The following TMEM178B variants were observed in gnomAD, a reference collection of about 807,000 sequenced individuals.
TMEM178B encodes transmembrane protein 178B.
In TMEM178B, 5 loss-of-function variants were observed where a neutral mutation model predicts 31.0. That is an observed-to-expected ratio of 0.16 (90% CI 0.08 to 0.34). TMEM178B has a LOEUF of 0.34. Ranked by LOEUF, TMEM178B falls within the 10% of genes least tolerant of loss-of-function variation. The pLI, the probability that TMEM178B is intolerant of heterozygous loss-of-function variation, is 1.00. For missense variants in TMEM178B, 275 were observed against 400.3 expected, an observed-to-expected ratio of 0.69 and a Z score of 2.67; for synonymous variants, 164 against 164.0, an observed-to-expected ratio of 1.00 and a Z score of 0.00.
intron 2 of TMEM178B, among the ~76,000 whole-genome samples, chr7:141,435,303 C>A (rs749422904): frequency 6.6e-6 from 1 of 152,248 alleles, no homozygotes; most frequent in African/African-American, 2.4e-5. Context: ...GAAGTATAAG[C>A]CCCTTACAGG....
chr7:141,192,727 A>T (rs530722694), intron 1 of TMEM178B, among the ~76,000 whole-genome samples: 20 of 152,190 alleles, frequency 1.3e-4, no homozygotes, highest in Middle Eastern at 3.4e-3. Flanking sequence ...CAGCCTCCCA[A>T]AGTGCTGGGA....
At chr7:141,403,532 C>CT (rs747316178) in intron 2 of TMEM178B, among the ~76,000 whole-genome samples, 2 of 152,294 alleles carry the variant, frequency 1.3e-5, no homozygotes, top group South Asian at 4.1e-4. Context: ...AGCTCAGACT[C>CT]TTTTGACTGG....
intron 2 of TMEM178B, among the ~76,000 whole-genome samples, chr7:141,278,354 A>G (rs952948617): frequency 2.6e-5 from 4 of 152,178 alleles, no homozygotes; most frequent in African/African-American, 9.7e-5. Context: ...GGCCGAGGCC[A>G]GTAGATCACT....
chr7:141,265,341 G>C (rs1351799101), intron 2 of TMEM178B, among the ~76,000 whole-genome samples: 1 of 152,098 alleles, frequency 6.6e-6, no homozygotes. Flanking sequence ...TGAGTTTCAT[G>C]GCTTCAGGAC....
At chr7:141,232,864 C>A (rs1797469531) in intron 2 of TMEM178B, among the ~76,000 whole-genome samples, 1 of 152,126 alleles carries the variant, frequency 6.6e-6, no homozygotes, top group Non-Finnish European at 1.5e-5. Context: ...AGTCATGCCC[C>A]AAACTCAGGA....
At chr7:141,330,172 T>A (rs553482143) in intron 2 of TMEM178B, among the ~76,000 whole-genome samples, 1 of 152,184 alleles carries the variant, frequency 6.6e-6, no homozygotes, top group East Asian at 1.9e-4. Context: ...ATTTGTTACA[T>A]AGGTAAACAT....
At chr7:141,226,374 C>T (rs1412778574) in intron 2 of TMEM178B, among the ~76,000 whole-genome samples, 1 of 152,160 alleles carries the variant, frequency 6.6e-6, no homozygotes, top group African/African-American at 2.4e-5. Context: ...TCCGTGTTGC[C>T]TGAGTCCCAC....
At chr7:141,277,841 AC>A in intron 2 of TMEM178B, among the ~76,000 whole-genome samples, 1 of 152,308 alleles carries the variant, frequency 6.6e-6, no homozygotes, top group Non-Finnish European at 1.5e-5. Flanking sequence ...ATCTTAATGA[AC>A]CAGCATATAT....
intron 1 of TMEM178B, among the ~76,000 whole-genome samples, chr7:141,131,079 C>A (rs111790775): frequency 0.046 from 7,006 of 152,190 alleles, 560 homozygotes; most frequent in African/African-American, 0.16. Flanking sequence ...AGTAAATCTG[C>A]TTTTTTACAG....
chr7:141,437,763 G>T lies in TMEM178B; in HGVS notation c.634+18G>T. The T allele has an allele frequency of 6.5e-7, 1 of 1,536,044 alleles. No homozygotes were observed. The highest frequency in any genetic ancestry group is 2.0e-5 in the Admixed American group (1 of 51,002). On this transcript the variant is annotated intron_variant, in intron 3 of 3. Coordinates refer to ENST00000565468, the MANE Select transcript of TMEM178B (RefSeq NM_001195278.2). ...CATGGGAGGTAAGGCTACGGGCTCG[G>T]CTTGTGGGTGGCAGTGGACAGGGTC...
intron 1 of TMEM178B, among the ~76,000 whole-genome samples, chr7:141,087,110 A>G (rs1262818309): frequency 1.3e-5 from 2 of 152,214 alleles, no homozygotes; most frequent in Non-Finnish European, 2.9e-5. Context: ...AATTTTATTC[A>G]GATTGTGTTG....
At chr7:141,363,704 C>G (rs1027565348) in intron 2 of TMEM178B, among the ~76,000 whole-genome samples, 1 of 152,088 alleles carries the variant, frequency 6.6e-6, no homozygotes, top group African/African-American at 2.4e-5. Context: ...CTTGTAGTTG[C>G]TCATTTGAAA....
chr7:141,136,409 A>G (rs1323482722), intron 1 of TMEM178B, among the ~76,000 whole-genome samples: 2 of 152,222 alleles, frequency 1.3e-5, no homozygotes, highest in Admixed American at 6.5e-5. Flanking sequence ...GACTAAAACT[A>G]TAAAACTACT....
chr7:141,175,592 G>T (rs1358020151), intron 1 of TMEM178B, among the ~76,000 whole-genome samples: 2 of 152,172 alleles, frequency 1.3e-5, no homozygotes, highest in Non-Finnish European at 2.9e-5. Context: ...TCCTATCCAT[G>T]AGCATATAAT....
intron 2 of TMEM178B, among the ~76,000 whole-genome samples, chr7:141,339,451 T>C (rs1799480075): frequency 6.6e-6 from 1 of 152,156 alleles, no homozygotes; most frequent in Admixed American, 6.5e-5. Flanking sequence ...CTGGAGTAAG[T>C]GCAGATTTCA....
chr7:141,229,513 A>G (rs1184033719), intron 2 of TMEM178B, among the ~76,000 whole-genome samples: 1 of 152,094 alleles, frequency 6.6e-6, no homozygotes, highest in Admixed American at 6.5e-5. Flanking sequence ...TGCGTTTTCC[A>G]TCGGCTTATT....
Position 141,437,581 on chromosome 7 carries a change from G to C in TMEM178B, c.497-27G>C, listed in dbSNP as rs571385946. The C allele has an allele frequency of 3.5e-5, 54 of 1,535,284 alleles. 1 individual carries two copies. In the African/African-American group the frequency reaches 7.0e-4, roughly 20 times the overall value. On this transcript the variant is annotated intron_variant, in intron 2 of 3. Coordinates refer to ENST00000565468, the MANE Select transcript of TMEM178B (RefSeq NM_001195278.2). ...GCCCTCAGTCCCAGGCTCTGCTGCTGACTGTTGCTCGCCTGCTTCCCCACA... is the reference window on the plus strand; with the variant it reads ...GCCCTCAGTCCCAGGCTCTGCTGCTCACTGTTGCTCGCCTGCTTCCCCACA...
At chr7:141,188,352 G>C (rs1401981722) in intron 1 of TMEM178B, among the ~76,000 whole-genome samples, 1 of 152,144 alleles carries the variant, frequency 6.6e-6, no homozygotes, top group East Asian at 1.9e-4. Flanking sequence ...GAGCATTTCA[G>C]GTTTTGGATT....
At chr7:141,239,569 G>A (rs1339574739) in intron 2 of TMEM178B, among the ~76,000 whole-genome samples, 1 of 152,212 alleles carries the variant, frequency 6.6e-6, no homozygotes, top group Non-Finnish European at 1.5e-5. Flanking sequence ...TCAGCCTCGA[G>A]TCTCAGCAGG....
Sources: allele counts gnomAD v4.1 joint callset (sites outside exome capture counted in the v4.1 genomes callset), GRCh38; gene constraint gnomAD v4.1.1; transcripts MANE v1.5; gene names NCBI Gene and HGNC (gene_info 2026-07-23, HGNC 2026-07-21).